The following PLXDC2 variants were observed in gnomAD, a reference collection of about 807,000 sequenced individuals.
PLXDC2 encodes plexin domain-containing protein 2.
A neutral mutation model predicts 68.9 loss-of-function variants in PLXDC2; 40 were observed. The ratio of observed to expected loss-of-function variants is 0.58; its 90% confidence interval spans 0.45 to 0.76. PLXDC2 has a LOEUF of 0.76. Ranked by LOEUF, PLXDC2 falls within the 30% of genes least tolerant of loss-of-function variation. The pLI is 0.00. For synonymous variants in PLXDC2, 243 were observed against 234.2 expected, an observed-to-expected ratio of 1.04 and a Z score of -0.34; for missense variants, 644 against 661.9, an observed-to-expected ratio of 0.97 and a Z score of 0.30.
At chr10:20,240,543 T>A (rs1835500698) in intron 12 of PLXDC2, among the ~76,000 whole-genome samples, 1 of 152,040 alleles carries the variant, frequency 6.6e-6, no homozygotes, top group South Asian at 2.1e-4. Flanking sequence ...AGTGAAAGAA[T>A]TTAAAATCAA....
intron 3 of PLXDC2, among the ~76,000 whole-genome samples, chr10:20,065,762 C>T (rs563503934): frequency 6.6e-6 from 1 of 152,278 alleles, no homozygotes; most frequent in South Asian, 2.1e-4. Flanking sequence ...AGGGCTCACG[C>T]TCCTATGAGA....
chr10:19,890,542 G>GTT lies in PLXDC2; in HGVS notation c.112+73363_112+73364dup, dbSNP rs71388876. On this transcript the variant is annotated intron_variant, in intron 1 of 13. Transcript: ENST00000377252. ...ACTGCTTTTTTTTTTCTGAGACGGGGTTTTTTTTTTTTTGAGCAGAGACAG... is the reference window on the plus strand; with the variant it reads ...ACTGCTTTTTTTTTTCTGAGACGGGGTTTTTTTTTTTTTTTGAGCAGAGACAG... Among the ~76,000 whole-genome samples the GTT allele has an allele frequency of 1.3e-3, 181 of 139,416 alleles. 4 individuals carry two copies. The highest frequency in any genetic ancestry group is 3.1e-3 in the African/African-American group (118 of 37,942). The allele number at this position is 139,416 out of a possible 152,430, so 91.5% of individuals were successfully genotyped here.
At chr10:20,121,125 C>A (rs1833691602) in intron 4 of PLXDC2, among the ~76,000 whole-genome samples, 1 of 152,008 alleles carries the variant, frequency 6.6e-6, no homozygotes, top group Non-Finnish European at 1.5e-5. Flanking sequence ...AGCTGGGGAG[C>A]AGAAAGTATA....
chr10:20,046,647 A>G (rs1327510949), intron 2 of PLXDC2, among the ~76,000 whole-genome samples: 1 of 152,130 alleles, frequency 6.6e-6, no homozygotes, highest in Non-Finnish European at 1.5e-5. Context: ...AAATTTTATT[A>G]TTCAAATCAT....
At chr10:19,959,257 A>T (rs148466229) in intron 1 of PLXDC2, among the ~76,000 whole-genome samples, 20 of 152,210 alleles carry the variant, frequency 1.3e-4, no homozygotes, top group Admixed American at 2.6e-4. Flanking sequence ...TAAGGAAAGG[A>T]TAATAAAGAT....
At chr10:20,097,628 C>G (rs543055815) in intron 4 of PLXDC2, among the ~76,000 whole-genome samples, 75 of 151,830 alleles carry the variant, frequency 4.9e-4, no homozygotes, top group African/African-American at 1.8e-3. Flanking sequence ...GAATCAAAAC[C>G]CGGTAAGATA....
intron 4 of PLXDC2, among the ~76,000 whole-genome samples, chr10:20,088,871 G>A (rs1480598925): frequency 6.6e-6 from 1 of 152,136 alleles, no homozygotes; most frequent in South Asian, 2.1e-4. Context: ...GCTAAGGAAT[G>A]CTCTATGATT....
intron 1 of PLXDC2, among the ~76,000 whole-genome samples, chr10:19,938,877 CA>C (rs1164602028): frequency 6.6e-6 from 1 of 152,038 alleles, no homozygotes; most frequent in African/African-American, 2.4e-5. Flanking sequence ...AGAAACCAAA[CA>C]ATCTGTAAGT....
At chr10:19,835,905 C>T (rs1836781619) in intron 1 of PLXDC2, among the ~76,000 whole-genome samples, 1 of 152,088 alleles carries the variant, frequency 6.6e-6, no homozygotes, top group South Asian at 2.1e-4. Context: ...GGTGTGGTGG[C>T]TCACAGCCAT....
intron 4 of PLXDC2, among the ~76,000 whole-genome samples, chr10:20,069,046 T>A (rs1002453399): frequency 2.6e-5 from 4 of 152,124 alleles, no homozygotes; most frequent in Non-Finnish European, 4.4e-5. Context: ...TCCATAGGTG[T>A]ACAAAGAGGC....
At chr10:20,092,015 A>G (rs548115801) in intron 4 of PLXDC2, among the ~76,000 whole-genome samples, 1 of 152,282 alleles carries the variant, frequency 6.6e-6, no homozygotes, top group East Asian at 1.9e-4. Flanking sequence ...AATTTTATAC[A>G]TCTAATCCCA....
chr10:20,172,991 G>T (rs555525964), intron 7 of PLXDC2, among the ~76,000 whole-genome samples: 62 of 152,288 alleles, frequency 4.1e-4, no homozygotes, highest in African/African-American at 1.4e-3. Context: ...TTTATTTGTA[G>T]CTACTTTATT....
At chr10:20,021,781 C>G (rs908352524) in intron 2 of PLXDC2, among the ~76,000 whole-genome samples, 9 of 151,974 alleles carry the variant, frequency 5.9e-5, no homozygotes, top group African/African-American at 2.2e-4. Flanking sequence ...CTCCTGCAAC[C>G]TCCGCCTCCC....
At chr10:20,049,578 G>A (rs1460762905) in intron 3 of PLXDC2, among the ~76,000 whole-genome samples, 2 of 151,888 alleles carry the variant, frequency 1.3e-5, no homozygotes, top group African/African-American at 4.8e-5. Context: ...GCCACACCAA[G>A]AGTCAAATCG....
intron 1 of PLXDC2, among the ~76,000 whole-genome samples, chr10:19,857,135 C>G (rs1474174660): frequency 6.6e-6 from 1 of 152,156 alleles, no homozygotes; most frequent in African/African-American, 2.4e-5. Context: ...CTAAGGTGTA[C>G]AAAATTAAGT....
intron 4 of PLXDC2, among the ~76,000 whole-genome samples, chr10:20,131,388 T>G (rs1006646328): frequency 6.6e-6 from 1 of 152,044 alleles, no homozygotes; most frequent in Non-Finnish European, 1.5e-5. Context: ...TGTAATCTCT[T>G]CTTTCACTTA....
chr10:20,057,377 AT>A (rs1836017757), intron 3 of PLXDC2, among the ~76,000 whole-genome samples: 1 of 152,114 alleles, frequency 6.6e-6, no homozygotes, highest in Non-Finnish European at 1.5e-5. Flanking sequence ...TTTTAACAAT[AT>A]TTTTTATACC....
chr10:19,980,324 A>T (rs1245041488), intron 1 of PLXDC2, among the ~76,000 whole-genome samples: 1 of 152,184 alleles, frequency 6.6e-6, no homozygotes, highest in African/African-American at 2.4e-5. Context: ...CCTCCCAGAA[A>T]CTAATTAACT....
intron 1 of PLXDC2, among the ~76,000 whole-genome samples, chr10:19,931,819 C>T (rs1833639850): frequency 6.6e-6 from 1 of 152,152 alleles, no homozygotes. Flanking sequence ...CTTGTCTCCA[C>T]ATTCCCTCTT....
Sources: gnomAD v4.1 joint callset for allele counts (sites outside exome capture counted in the v4.1 genomes callset) on GRCh38, gnomAD v4.1.1 for gene constraint, MANE v1.5 for transcripts, NCBI Gene and HGNC (gene_info 2026-07-23, HGNC 2026-07-21) for gene names.